Variants in NPAS3 observed in about 807,000 individuals in gnomAD.
NPAS3 encodes neuronal PAS domain-containing protein 3.
Under a neutral mutation model 73.1 loss-of-function variants are expected in NPAS3, and 14 were observed. That is an observed-to-expected ratio of 0.19 (90% CI 0.13 to 0.30). The LOEUF is 0.30. Among genes scored for constraint, NPAS3 ranks in the 10% least tolerant of loss-of-function variants. NPAS3 has a pLI of 1.00. For synonymous variants in NPAS3, 620 were observed against 541.5 expected (o/e 1.14, Z -2.01); for missense variants, 1,096 against 1,250.0 (o/e 0.88, Z 1.86).
chr14:33,455,106 C>T (rs1274573314), intron 4 of NPAS3, among the ~76,000 whole-genome samples: 2 of 152,174 alleles, frequency 1.3e-5, no homozygotes, highest in Admixed American at 1.3e-4. Context: ...AATAGTATTC[C>T]GTGTTAAGAT....
At chr14:33,504,555 C>G (rs1308655431) in intron 4 of NPAS3, among the ~76,000 whole-genome samples, 2 of 151,794 alleles carry the variant, frequency 1.3e-5, no homozygotes, top group Non-Finnish European at 1.5e-5. Context: ...AGGTAACAGC[C>G]CTTTTGCAGT....
intron 3 of NPAS3, among the ~76,000 whole-genome samples, chr14:33,264,094 A>C (rs1174857521): frequency 6.6e-6 from 1 of 152,200 alleles, no homozygotes; most frequent in East Asian, 1.9e-4. Context: ...ATGCGGCCAT[A>C]AAAAATGATG....
intron 3 of NPAS3, among the ~76,000 whole-genome samples, chr14:33,280,975 A>T (rs1023019206): frequency 1.3e-5 from 2 of 152,204 alleles, no homozygotes; most frequent in African/African-American, 4.8e-5. Context: ...TACTCCTTAT[A>T]TATACCAAAT....
intron 5 of NPAS3, among the ~76,000 whole-genome samples, chr14:33,642,829 T>G (rs975286250): frequency 1.3e-5 from 2 of 152,134 alleles, no homozygotes; most frequent in Non-Finnish European, 2.9e-5. Context: ...ATGGCCGGGA[T>G]GGATGGAGAA....
chr14:33,113,910 A>C (rs372362076), intron 2 of NPAS3, among the ~76,000 whole-genome samples: 1 of 152,216 alleles, frequency 6.6e-6, no homozygotes, highest in African/African-American at 2.4e-5. Flanking sequence ...CCTTTTCTGC[A>C]TCTATTGAGA....
chr14:33,509,847 A>G (rs2052955437), intron 4 of NPAS3, among the ~76,000 whole-genome samples: 1 of 152,016 alleles, frequency 6.6e-6, no homozygotes, highest in Admixed American at 6.6e-5. Context: ...TATGTTTATG[A>G]CTTTGTCATT....
At chr14:33,273,109 T>G (rs1566746158) in intron 3 of NPAS3, among the ~76,000 whole-genome samples, 1 of 152,186 alleles carries the variant, frequency 6.6e-6, no homozygotes, top group Admixed American at 6.5e-5. Flanking sequence ...CTAACTCCAG[T>G]GGCTGGTCTG....
chr14:32,983,268 T>C (rs902437806), intron 1 of NPAS3, among the ~76,000 whole-genome samples: 16 of 152,308 alleles, frequency 1.1e-4, no homozygotes, highest in African/African-American at 3.6e-4. Context: ...CTTGTGAAAT[T>C]TTGTATTTTT....
At chr14:33,584,449 G>A (rs1245315470) in intron 5 of NPAS3, among the ~76,000 whole-genome samples, 1 of 150,660 alleles carries the variant, frequency 6.6e-6, no homozygotes, top group Admixed American at 6.6e-5. Context: ...CTACAGGGAA[G>A]CACTTTTGCC....
upstream of NPAS3, among the ~76,000 whole-genome samples, chr14:32,938,531 G>A (rs567883466): frequency 1.2e-4 from 18 of 151,502 alleles, no homozygotes; most frequent in East Asian, 3.4e-3. Context: ...GAGAAGGGGG[G>A]GGAGGTGTGT....
chr14:33,205,854 A>T (rs2046801369), intron 2 of NPAS3, among the ~76,000 whole-genome samples: 1 of 152,216 alleles, frequency 6.6e-6, no homozygotes, highest in African/African-American at 2.4e-5. Flanking sequence ...AGTCTTCAGA[A>T]GCTTTCTTCC....
intron 3 of NPAS3, among the ~76,000 whole-genome samples, chr14:33,218,689 A>G (rs569010551): frequency 5.9e-5 from 9 of 152,192 alleles, no homozygotes; most frequent in Non-Finnish European, 1.3e-4. Context: ...TTGTGGTGGC[A>G]ACATTTTTTA....
chr14:33,018,094 T>A (rs2039458656), intron 1 of NPAS3, among the ~76,000 whole-genome samples: 1 of 152,174 alleles, frequency 6.6e-6, no homozygotes, highest in Admixed American at 6.5e-5. Flanking sequence ...CTAGAATATG[T>A]ATCTTTTTCT....
At chr14:33,593,687 C>A (rs2057144914) in intron 5 of NPAS3, among the ~76,000 whole-genome samples, 1 of 152,134 alleles carries the variant, frequency 6.6e-6, no homozygotes, top group Admixed American at 6.5e-5. Flanking sequence ...CGTTTATATT[C>A]TATTCTAACA....
At chr14:33,577,678 G>A (rs2056493742) in intron 5 of NPAS3, among the ~76,000 whole-genome samples, 1 of 152,202 alleles carries the variant, frequency 6.6e-6, no homozygotes, top group African/African-American at 2.4e-5. Flanking sequence ...CGGGGTAAAG[G>A]GGAAGGGATA....
At chr14:33,298,061 C>T (rs975955668) in intron 3 of NPAS3, among the ~76,000 whole-genome samples, 5 of 152,164 alleles carry the variant, frequency 3.3e-5, no homozygotes, top group Non-Finnish European at 5.9e-5. Flanking sequence ...GTGGGTGGAT[C>T]ACCTGAGGTC....
chr14:33,445,110 C>T (rs982023174), intron 4 of NPAS3, among the ~76,000 whole-genome samples: 9 of 152,176 alleles, frequency 5.9e-5, no homozygotes, highest in South Asian at 2.1e-4. Context: ...TACTATTCTT[C>T]GGCACTTGGT....
chr14:33,302,397 G>A (rs2042587820), intron 3 of NPAS3, among the ~76,000 whole-genome samples: 1 of 152,082 alleles, frequency 6.6e-6, no homozygotes, highest in Non-Finnish European at 1.5e-5. Context: ...AATGATGGAT[G>A]AGAATTCAGA....
intron 4 of NPAS3, among the ~76,000 whole-genome samples, chr14:33,426,991 T>C (rs1015590492): frequency 6.6e-6 from 1 of 152,056 alleles, no homozygotes; most frequent in East Asian, 1.9e-4. Flanking sequence ...TCTTTACTGA[T>C]GGATAACACT....
Sources: gnomAD v4.1 joint callset for allele counts (sites outside exome capture counted in the v4.1 genomes callset) on GRCh38, gnomAD v4.1.1 for gene constraint, MANE v1.5 for transcripts, NCBI Gene and HGNC (gene_info 2026-07-23, HGNC 2026-07-21) for gene names.